The following SUGP2 variants were observed in gnomAD, a reference collection of about 807,000 sequenced individuals.
The protein encoded by SUGP2 is SURP and G-patch domain-containing protein 2.
Under a neutral mutation model 90.5 loss-of-function variants are expected in SUGP2, and 24 were observed. That is an observed-to-expected ratio of 0.27 (90% CI 0.19 to 0.37). The LOEUF is 0.37. Ranked by LOEUF, SUGP2 falls within the 10% of genes least tolerant of loss-of-function variation. The probability of loss-of-function intolerance (pLI) is 1.00; values close to 1 mark genes in which losing one functional copy is unlikely to be tolerated. For synonymous variants in SUGP2, 473 were observed against 513.4 expected (o/e 0.92, Z 1.06); for missense variants, 1,233 against 1,363.3 (o/e 0.90, Z 1.51).
intron 3 of SUGP2, among the ~76,000 whole-genome samples, chr19:19,023,287 G>T (rs1267949512): frequency 6.6e-6 from 1 of 152,186 alleles, no homozygotes. Flanking sequence ...CCTCTCCTGT[G>T]TCGCTTTAAT....
intron 7 of SUGP2, among the ~76,000 whole-genome samples, chr19:19,002,695 T>A (rs1307310086): frequency 1.3e-5 from 2 of 151,908 alleles, no homozygotes; most frequent in Non-Finnish European, 2.9e-5. Context: ...GTATTTTTAG[T>A]AGAGATGGGA....
In SUGP2 at chr19:19,024,943, G is replaced by C. The variant is rs772501666; in HGVS notation, c.1405C>G (p.Leu469Val). Reference sequence around the variant, plus strand: ...CGGCAGAGAGAGTTGGTGGTTTCTAGGGCAAGAGCCAAGTCCAGGGGGTTA... The same window carrying C: ...CGGCAGAGAGAGTTGGTGGTTTCTACGGCAAGAGCCAAGTCCAGGGGGTTA... ...LSNPLDLALA[L>V]ETTNSLCRKS... The change falls in exon 3 of 11, where the codon CTA becomes GTA. Residue 469 changes from leucine (L) to valine (V), a missense_variant. This residue lies in a region of SUGP2 where 59 missense variants were observed against 92.6 expected (regional missense o/e 0.64). Coordinates refer to ENST00000452918, the MANE Select transcript of SUGP2 (RefSeq NM_001017392.5). The C allele has an allele frequency of 2.8e-5, 45 of 1,614,072 alleles. No homozygotes were observed. Among genetic ancestry groups the C allele is most frequent in the Middle Eastern group, 1.6e-4 (1 of 6,084 alleles).
In SUGP2 at chr19:19,010,153, C is replaced by T. The variant is rs2058252862; in HGVS notation, c.2040G>A (p.Arg680=). ...LKKKLLPWQR[R]GLLRAQGLRG... is the part of the protein sequence containing the mutation. ...GGAGCCCTTGAGCACGGAGGAGCCC[C>T]CGCCGCTGCCACGGAAGGAGTTTCT... The change falls in exon 5 of 11, where the codon CGG becomes CGA. Residue 680 remains arginine (R), a synonymous_variant. Transcript: ENST00000452918. 1 of 1,613,122 alleles carries T rather than the reference C, an allele frequency of 6.2e-7. No homozygotes were observed. The highest frequency in any genetic ancestry group is 8.5e-7 in the Non-Finnish European group (1 of 1,179,902).
intron 8 of SUGP2, among the ~76,000 whole-genome samples, chr19:18,998,144 T>G (rs2057686119): frequency 6.6e-6 from 1 of 152,212 alleles, no homozygotes. Context: ...CCTAAAATCA[T>G]CTGCTTCCCC....
chr19:19,018,154 G>T (rs932931064), intron 4 of SUGP2, among the ~76,000 whole-genome samples: 9 of 151,954 alleles, frequency 5.9e-5, no homozygotes, highest in African/African-American at 7.3e-5. Context: ...GAGCCCTGTG[G>T]ACAGAACTGG....
In SUGP2 at chr19:19,032,637, G is replaced by T. The variant is rs74407063; in HGVS notation, c.-12+800C>A. Among the ~76,000 whole-genome samples, 5 of 152,256 alleles carry T rather than the reference G, an allele frequency of 3.3e-5. No individual in the cohort carries two copies. In the East Asian group the frequency reaches 9.6e-4, roughly 29 times the overall value. ...CGCGATCTCCCAACCACCCACTGAA[G>T]AGGCGGGTCCTGTTATGAATGACAT... is the stretch of plus-strand genomic sequence containing the variant. On this transcript the variant is annotated intron_variant, in intron 1 of 10. Transcript: ENST00000452918.
chr19:18,994,550 G>C lies in SUGP2; in HGVS notation c.3129-64C>G, dbSNP rs1276310347. The C allele has an allele frequency of 5.6e-6, 9 of 1,593,360 alleles. 1 individual carries two copies. In the South Asian group the frequency reaches 7.9e-5, roughly 14 times the overall value. On this transcript the variant is annotated intron_variant, in intron 9 of 10. Coordinates refer to ENST00000452918, the MANE Select transcript of SUGP2 (RefSeq NM_001017392.5). ...CCAGGGCCTGGCATGCCAGGAACTG[G>C]GCATGGGCACAAACAGTCCATGAGA...
chr19:19,002,296 C>T (rs2057865620), intron 7 of SUGP2, among the ~76,000 whole-genome samples: 1 of 151,796 alleles, frequency 6.6e-6, no homozygotes, highest in African/African-American at 2.4e-5. Flanking sequence ...AGGAGAATAA[C>T]TTGAACCCGG....
chr19:18,998,474 T>C (rs999607836), intron 8 of SUGP2, among the ~76,000 whole-genome samples: 3 of 152,176 alleles, frequency 2.0e-5, no homozygotes, highest in African/African-American at 4.8e-5. Flanking sequence ...AATCTTCTTA[T>C]TGTCAGTTCA....
chr19:18,999,138 C>T (rs1024001505), intron 8 of SUGP2, among the ~76,000 whole-genome samples: 1 of 152,166 alleles, frequency 6.6e-6, no homozygotes, highest in Admixed American at 6.5e-5. Flanking sequence ...GAAGTTTCTT[C>T]GTGAATGTTC....
intron 4 of SUGP2, among the ~76,000 whole-genome samples, chr19:19,017,288 A>G (rs2058534639): frequency 6.6e-6 from 1 of 152,220 alleles, no homozygotes; most frequent in Non-Finnish European, 1.5e-5. Context: ...AATGATAAAC[A>G]TCAATGGTCT....
intron 9 of SUGP2, chr19:18,994,937 A>T: frequency 1.6e-6 from 1 of 627,288 alleles, no homozygotes; most frequent in Non-Finnish European, 2.7e-6. Flanking sequence ...CAAGCTGGTT[A>T]AAAAATCTAC....
At chr19:18,996,459 C>T (rs1206778619) in intron 8 of SUGP2, among the ~76,000 whole-genome samples, 3 of 152,122 alleles carry the variant, frequency 2.0e-5, no homozygotes, top group Non-Finnish European at 4.4e-5. Context: ...CTATGTTGCC[C>T]AGGCTGGTCT....
chr19:19,004,377 G>A lies in SUGP2; in HGVS notation c.2720C>T (p.Pro907Leu). 6.2e-7 allele frequency: 1 copy of A among 1,613,838 alleles called. No homozygotes were observed. Among genetic ancestry groups the A allele is most frequent in the Middle Eastern group, 1.7e-4 (1 of 6,058 alleles). Residue 907 changes from proline (P) to leucine (L), a missense_variant, in exon 7 of 11, where the codon CCC becomes CTC. This residue lies in a region of SUGP2 where 540 missense variants were observed against 542.6 expected (regional missense o/e 1.00). Transcript: ENST00000452918. ...AGACTTGCCCGCCCCTCCAGGAGCG[G>A]GGGCCTCCTCTCCCCCATCCTCATC... ...EDDEDGGEEAPAPGGAGKSEG... is the reference protein window; with the variant it reads ...EDDEDGGEEALAPGGAGKSEG...
intron 2 of SUGP2, among the ~76,000 whole-genome samples, chr19:19,026,892 C>T (rs1024286103): frequency 6.6e-6 from 1 of 152,096 alleles, no homozygotes; most frequent in Non-Finnish European, 1.5e-5. Context: ...CAGACCGAGG[C>T]AGGCAGGAGG....
chr19:19,014,451 A>T (rs1568424094), intron 4 of SUGP2, among the ~76,000 whole-genome samples: 1 of 152,036 alleles, frequency 6.6e-6, no homozygotes, highest in Non-Finnish European at 1.5e-5. Context: ...TGGAGATAAG[A>T]AGCCCTTCTT....
intron 2 of SUGP2, among the ~76,000 whole-genome samples, chr19:19,029,069 C>T (rs1052536562): frequency 5.9e-5 from 9 of 152,172 alleles, no homozygotes; most frequent in African/African-American, 2.4e-5. Flanking sequence ...GCCTCGACTT[C>T]CTGGGCACAA....
intron 9 of SUGP2, chr19:18,994,939 A>C: frequency 1.6e-6 from 1 of 631,362 alleles, no homozygotes; most frequent in South Asian, 2.0e-5. Flanking sequence ...AGCTGGTTAA[A>C]AAATCTACAC....
At chr19:18,997,217 G>A (rs1237842277) in intron 8 of SUGP2, among the ~76,000 whole-genome samples, 2 of 152,104 alleles carry the variant, frequency 1.3e-5, no homozygotes, top group Non-Finnish European at 2.9e-5. Context: ...CGTTAGGGGT[G>A]CATGTGGGAG....
Sources: allele counts gnomAD v4.1 joint callset (sites outside exome capture counted in the v4.1 genomes callset), GRCh38; gene constraint gnomAD v4.1.1; regional missense constraint gnomAD v4.1.1; transcripts MANE v1.5; gene names NCBI Gene and HGNC (gene_info 2026-07-23, HGNC 2026-07-21).